ATP8B1: variants seen among roughly 807,000 people sequenced by gnomAD.
ATP8B1 encodes the protein ATPase phospholipid transporting 8B1, also known as phospholipid-transporting ATPase IC.
A neutral mutation model predicts 149.9 loss-of-function variants in ATP8B1; 80 were observed. The observed-to-expected ratio is 0.53, with a 90% confidence interval of 0.45 to 0.64. ATP8B1 has a LOEUF of 0.64. Among genes scored for constraint, ATP8B1 ranks in the 30% least tolerant of loss-of-function variants. The probability of loss-of-function intolerance (pLI) is 0.00; values close to 1 mark genes in which losing one functional copy is unlikely to be tolerated. For synonymous variants in ATP8B1, 536 were observed against 562.8 expected, an observed-to-expected ratio of 0.95 and a Z score of 0.67; for missense variants, 1,247 against 1,552.6, an observed-to-expected ratio of 0.80 and a Z score of 3.31.
chr18:57,782,304 A>T (rs2080363755), intron 1 of ATP8B1, among the ~76,000 whole-genome samples: 1 of 152,264 alleles, frequency 6.6e-6, no homozygotes, highest in Non-Finnish European at 1.5e-5. Flanking sequence ...GGCCACCCAC[A>T]GCTGCTGCGT....
intron 2 of ATP8B1, among the ~76,000 whole-genome samples, chr18:57,728,613 A>C (rs1187269370): frequency 1.3e-5 from 2 of 152,146 alleles, no homozygotes; most frequent in Non-Finnish European, 2.9e-5. Context: ...TTTTGTAAAA[A>C]GTCACAGGCA....
intron 1 of ATP8B1, among the ~76,000 whole-genome samples, chr18:57,771,857 A>T (rs1027474335): frequency 6.6e-6 from 1 of 152,196 alleles, no homozygotes; most frequent in Non-Finnish European, 1.5e-5. Context: ...CACACAACTC[A>T]TGATAAATAC....
intron 2 of ATP8B1, among the ~76,000 whole-genome samples, chr18:57,724,462 A>G (rs1399474942): frequency 6.6e-6 from 1 of 152,276 alleles, no homozygotes; most frequent in African/African-American, 2.4e-5. Context: ...ACACTAATCA[A>G]AAGAAGACAT....
At chr18:57,665,604 G>C (rs1315485026) in intron 20 of ATP8B1, among the ~76,000 whole-genome samples, 12 of 151,966 alleles carry the variant, frequency 7.9e-5, no homozygotes, top group Non-Finnish European at 4.4e-5. Context: ...CCAGGCAGGA[G>C]TGTAGTGGCA....
chr18:57,791,367 T>C (rs1821594270), intron 1 of ATP8B1, among the ~76,000 whole-genome samples: 1 of 143,712 alleles, frequency 7.0e-6, no homozygotes, highest in Non-Finnish European at 1.5e-5. Context: ...TTTTTTTTTT[T>C]TGAGGCAGAG....
At chr18:57,757,343 G>T (rs2080094048) in intron 1 of ATP8B1, among the ~76,000 whole-genome samples, 1 of 152,080 alleles carries the variant, frequency 6.6e-6, no homozygotes, top group Non-Finnish European at 1.5e-5. Context: ...TACCTCTCCT[G>T]CCCCAGCCTG....
rs138594092 is a variant in ATP8B1 at position 57,652,359 on chromosome 18, T to G, written c.3261+125A>C. 3.0e-4 allele frequency: 449 copies of G among 1,486,928 alleles called. No homozygotes were observed. The African/African-American group carries it at 5.7e-3, about 19-fold the overall frequency. The allele number at this position is 1,486,928 out of a possible 1,614,324, so 92.1% of individuals were successfully genotyped here. On this transcript the variant is annotated intron_variant, in intron 25 of 27. Coordinates refer to ENST00000648908, the MANE Select transcript of ATP8B1 (RefSeq NM_001374385.1). ...ATGTGCTTGGTATAAGAGATGAAAATAGCATTTATATTTTGTAAGTGGCAC... is the reference window on the plus strand; with the variant it reads ...ATGTGCTTGGTATAAGAGATGAAAAGAGCATTTATATTTTGTAAGTGGCAC...
intron 16 of ATP8B1, among the ~76,000 whole-genome samples, chr18:57,673,506 C>T (rs541229989): frequency 6.6e-6 from 1 of 151,556 alleles, no homozygotes; most frequent in South Asian, 2.1e-4. Context: ...GCAATTTATT[C>T]TCTTTTTTAT....
chr18:57,769,898 A>G (rs1194535445), intron 1 of ATP8B1, among the ~76,000 whole-genome samples: 2 of 152,238 alleles, frequency 1.3e-5, no homozygotes, highest in African/African-American at 4.8e-5. Context: ...GCATTTAAAT[A>G]TACAAGGATC....
chr18:57,706,552 A>T lies in ATP8B1; in HGVS notation c.217T>A (p.Tyr73Asn). The change falls in exon 3 of 28, where the codon TAC becomes AAC. Residue 73 changes from tyrosine to asparagine, a missense_variant. This residue lies in a region of ATP8B1 where 853 missense variants were observed against 1,035.7 expected (regional missense o/e 0.82). Coordinates refer to ENST00000648908, the MANE Select transcript of ATP8B1 (RefSeq NM_001374385.1). ...TWQVKANDRK[Y>N]HEQPHFMNTK... ...TTCATAAAGTGAGGTTGTTCGTGGTACTTGCGATCGTTTGCTTTGACTTGC... is the reference window on the plus strand; with the variant it reads ...TTCATAAAGTGAGGTTGTTCGTGGTTCTTGCGATCGTTTGCTTTGACTTGC... The T allele has an allele frequency of 4.3e-6, 7 of 1,614,132 alleles. No homozygotes were observed. Among genetic ancestry groups the T allele is most frequent in the Non-Finnish European group, 5.9e-6 (7 of 1,179,998 alleles).
chr18:57,697,061 G>A (rs374398266), intron 8 of ATP8B1, among the ~76,000 whole-genome samples: 3 of 152,108 alleles, frequency 2.0e-5, no homozygotes, highest in African/African-American at 7.2e-5. Flanking sequence ...AGGAGTTCGA[G>A]ACCAGCCTGG....
Position 57,655,629 on chromosome 18 carries a change from G to A in ATP8B1, c.2708-212C>T, listed in dbSNP as rs536267989. 1.0e-3 allele frequency among the ~76,000 whole-genome samples: 156 copies of A among 152,290 alleles called. 1 individual carries two copies. The highest frequency in any genetic ancestry group is 3.6e-3 in the African/African-American group (148 of 41,562). On this transcript the variant is annotated intron_variant, in intron 22 of 27. Transcript: ENST00000648908. ...GTTGCTAAACAGAGCACACAGTAGG[G>A]CCTCCATAAATATCTGGGAAAGGAT... is the stretch of plus-strand genomic sequence containing the variant.
chr18:57,732,115 A>ATG (rs2079773007), intron 1 of ATP8B1: 3 of 33,488 alleles, frequency 9.0e-5, no homozygotes, highest in Non-Finnish European at 1.6e-4. Flanking sequence ...ATATGTATAT[A>ATG]TGTATATATA....
chr18:57,757,217 G>A (rs2080093318), intron 1 of ATP8B1, among the ~76,000 whole-genome samples: 1 of 152,126 alleles, frequency 6.6e-6, no homozygotes, highest in African/African-American at 2.4e-5. Flanking sequence ...CATGGTCCCT[G>A]GTTTGGCCAA....
At chr18:57,792,668 T>C (rs1056982761) in intron 1 of ATP8B1, among the ~76,000 whole-genome samples, 1 of 152,168 alleles carries the variant, frequency 6.6e-6, no homozygotes, top group African/African-American at 2.4e-5. Flanking sequence ...CTGACGTAGA[T>C]TGTGGCAACA....
At chr18:57,704,195 T>C (rs1371067934) in intron 4 of ATP8B1, among the ~76,000 whole-genome samples, 3 of 152,164 alleles carry the variant, frequency 2.0e-5, no homozygotes, top group Admixed American at 2.0e-4. Context: ...CTGGAACTCC[T>C]CACCCGAGGT....
chr18:57,672,939 A>G (rs1186383375), intron 16 of ATP8B1, among the ~76,000 whole-genome samples: 1 of 87,582 alleles, frequency 1.1e-5, no homozygotes, highest in African/African-American at 4.1e-5. Flanking sequence ...TATAACATGT[A>G]TATACACATA....
chr18:57,744,790 G>A (rs75133790), intron 1 of ATP8B1, among the ~76,000 whole-genome samples: 1 of 152,306 alleles, frequency 6.6e-6, no homozygotes, highest in African/African-American at 2.4e-5. Context: ...GAGTCACCAA[G>A]CTATTAATAC....
chr18:57,762,225 A>C (rs1189130380), intron 1 of ATP8B1, among the ~76,000 whole-genome samples: 1 of 150,586 alleles, frequency 6.6e-6, no homozygotes, highest in Non-Finnish European at 1.5e-5. Flanking sequence ...TGCAACCCCC[A>C]TTTCCCAGGT....
Sources: allele counts gnomAD v4.1 joint callset (sites outside exome capture counted in the v4.1 genomes callset), GRCh38; gene constraint gnomAD v4.1.1; regional missense constraint gnomAD v4.1.1; transcripts MANE v1.5; gene names NCBI Gene and HGNC (gene_info 2026-07-23, HGNC 2026-07-21).